The following ATF7IP2 variants were observed in gnomAD, a reference collection of about 807,000 sequenced individuals.
ATF7IP2 encodes activating transcription factor 7-interacting protein 2.
In ATF7IP2, 42 loss-of-function variants were observed where a neutral mutation model predicts 64.2. The ratio of observed to expected loss-of-function variants is 0.65; its 90% CI spans 0.51 to 0.85. The LOEUF (loss-of-function observed/expected upper bound fraction) is 0.85, where lower values mean the gene tolerates loss of function less well. Among genes scored for constraint, ATF7IP2 ranks in the 40% least tolerant of loss-of-function variants. The pLI is 0.00. For synonymous variants in ATF7IP2, 308 were observed against 272.8 expected, an observed-to-expected ratio of 1.13 and a Z score of -1.27; for missense variants, 933 against 784.2, an observed-to-expected ratio of 1.19 and a Z score of -2.27.
chr16:10,425,951 A>G (rs1287482990), intron 3 of ATF7IP2, among the ~76,000 whole-genome samples: 1 of 152,182 alleles, frequency 6.6e-6, no homozygotes, highest in Non-Finnish European at 1.5e-5. Flanking sequence ...TGGGATTTAC[A>G]TCATCATAAA....
chr16:10,411,388 G>GTTGTT (rs1212546963), intron 1 of ATF7IP2, among the ~76,000 whole-genome samples: 1 of 146,092 alleles, frequency 6.8e-6, no homozygotes, highest in Non-Finnish European at 1.5e-5. Flanking sequence ...TGTTGTTGTT[G>GTTGTT]TTGTTTTGTT....
chr16:10,473,049 C>T (rs902322121), intron 10 of ATF7IP2, among the ~76,000 whole-genome samples: 2 of 152,068 alleles, frequency 1.3e-5, no homozygotes, highest in African/African-American at 4.8e-5. Context: ...TAATTGTCCC[C>T]ACAATTTGGG....
In ATF7IP2 at chr16:10,398,401, C is replaced by T. The variant is rs1266748418; in HGVS notation, c.-242+12279C>T. 2.0e-5 allele frequency among the ~76,000 whole-genome samples: 3 copies of T among 151,924 alleles called. No homozygotes were observed. In the East Asian group the frequency reaches 5.8e-4, roughly 29 times the overall value. Reference sequence around the variant, plus strand: ...TCATGGAAACATGAATTAGTATAGCCATTATTTTTTAGAAGTTCAAAAAAA... The same window carrying T: ...TCATGGAAACATGAATTAGTATAGCTATTATTTTTTAGAAGTTCAAAAAAA... On this transcript the variant is annotated intron_variant, in intron 1 of 13. Transcript: ENST00000562102.
chr16:10,393,584 G>A (rs976545487), intron 1 of ATF7IP2, among the ~76,000 whole-genome samples: 13 of 152,206 alleles, frequency 8.5e-5, no homozygotes, highest in Non-Finnish European at 1.9e-4. Context: ...TCAATTGTAG[G>A]CTAATATGAG....
chr16:10,450,849 C>T (rs1252445875), intron 8 of ATF7IP2, among the ~76,000 whole-genome samples: 1 of 152,108 alleles, frequency 6.6e-6, no homozygotes, highest in Non-Finnish European at 1.5e-5. Flanking sequence ...GAATTTGATC[C>T]TGTCATTATG....
chr16:10,479,359 G>A (rs2050130043), intron 12 of ATF7IP2, among the ~76,000 whole-genome samples: 2 of 152,064 alleles, frequency 1.3e-5, no homozygotes, highest in African/African-American at 4.8e-5. Flanking sequence ...TAGGGACATG[G>A]ATGAAATTGG....
intron 3 of ATF7IP2, among the ~76,000 whole-genome samples, chr16:10,423,290 A>G (rs933954565): frequency 6.6e-6 from 1 of 152,218 alleles, no homozygotes; most frequent in Non-Finnish European, 1.5e-5. Flanking sequence ...CCTACCTAGA[A>G]GTAATGCTGG....
chr16:10,396,665 T>G (rs905655935), intron 1 of ATF7IP2, among the ~76,000 whole-genome samples: 2 of 151,974 alleles, frequency 1.3e-5, no homozygotes, highest in Non-Finnish European at 2.9e-5. Context: ...TTTGTTTGTT[T>G]GTTTTAATTG....
chr16:10,409,723 C>T (rs1456617952), intron 1 of ATF7IP2, among the ~76,000 whole-genome samples: 2 of 152,184 alleles, frequency 1.3e-5, no homozygotes, highest in Non-Finnish European at 2.9e-5. Context: ...CCATGCCCAG[C>T]CTCCTTGATC....
At chr16:10,480,001 T>G (rs1342490962) in intron 12 of ATF7IP2, among the ~76,000 whole-genome samples, 106 of 82,418 alleles carry the variant, frequency 1.3e-3, no homozygotes, top group Non-Finnish European at 1.9e-3. Flanking sequence ...TTTTTTTTTT[T>G]GAGACAGTCT....
At chr16:10,412,032 T>G (rs867519011) in intron 1 of ATF7IP2, among the ~76,000 whole-genome samples, 3,309 of 145,322 alleles carry the variant, frequency 0.023, 234 homozygotes, top group African/African-American at 0.079. Context: ...TTTTTTTTTT[T>G]TTTTTTTACA....
At chr16:10,473,401 ATTT>A in intron 10 of ATF7IP2, 75 bp from the exon 11 acceptor site, 3 of 875,422 alleles carry the variant, frequency 3.4e-6, no homozygotes, top group Non-Finnish European at 5.7e-6. Flanking sequence ...CATCCCTATT[ATTT>A]TGTTTTAGCA....
At position 10,440,421 on chromosome 16, in the gene ATF7IP2, T is replaced by A; in HGVS notation, c.1153T>A (p.Cys385Ser). Residue 385 changes from cysteine to serine, a missense_variant, in exon 8 of 14, where the codon TGT becomes AGT. By Grantham distance (112) the Cys-to-Ser change is moderately radical. Transcript: ENST00000562102. ...AACAGTATTATTATTTCAAAGGAAT[T>A]GTTTGAAACCAAACATGTTATCCAG... ...IKTVLLFQRN[C>S]LKPNMLSSNG... 1 of 1,568,864 alleles carries A rather than the reference T, an allele frequency of 6.4e-7. No individual in the cohort carries two copies. Among genetic ancestry groups the A allele is most frequent in the Non-Finnish European group, 8.6e-7 (1 of 1,162,974 alleles).
chr16:10,408,891 T>A (rs145136553), intron 1 of ATF7IP2, among the ~76,000 whole-genome samples: 42 of 152,310 alleles, frequency 2.8e-4, no homozygotes, highest in African/African-American at 9.6e-4. Flanking sequence ...TGCTTTTGGG[T>A]TTTTGGTCAT....
intron 3 of ATF7IP2, among the ~76,000 whole-genome samples, chr16:10,423,770 G>C (rs1212852549): frequency 6.6e-6 from 1 of 152,108 alleles, no homozygotes; most frequent in African/African-American, 2.4e-5. Context: ...CTCCTCATCA[G>C]TGTGAAAAGG....
intron 5 of ATF7IP2, among the ~76,000 whole-genome samples, chr16:10,431,916 T>C (rs8061035): frequency 0.78 from 114,710 of 147,358 alleles, 45,292 homozygotes; most frequent in African/African-American, 0.91. Flanking sequence ...CCCCACCTCC[T>C]GGGTTCGAGT....
At chr16:10,426,468 CAG>C in intron 3 of ATF7IP2, among the ~76,000 whole-genome samples, 1 of 152,214 alleles carries the variant, frequency 6.6e-6, no homozygotes, top group East Asian at 1.9e-4. Context: ...TACCTCTCCT[CAG>C]AGCCGGAAGT....
chr16:10,475,610 G>A (rs12924760), intron 12 of ATF7IP2, among the ~76,000 whole-genome samples: 12,859 of 149,932 alleles, frequency 0.086, 627 homozygotes, highest in African/African-American at 0.12. Flanking sequence ...GGAGAATGGC[G>A]CGAACCCGGG....
At chr16:10,470,628 T>G (rs1029960149) in intron 9 of ATF7IP2, among the ~76,000 whole-genome samples, 38 of 151,664 alleles carry the variant, frequency 2.5e-4, no homozygotes, top group Admixed American at 2.4e-3. Flanking sequence ...AAAAATTTTT[T>G]TAAAAAGTTA....
Sources: allele counts gnomAD v4.1 joint callset (sites outside exome capture counted in the v4.1 genomes callset), GRCh38; gene constraint gnomAD v4.1.1; transcripts MANE v1.5; gene names NCBI Gene and HGNC (gene_info 2026-07-23, HGNC 2026-07-21).